QTGAL: variants seen among roughly 807,000 people sequenced by gnomAD.
The protein encoded by QTGAL is queuosine-tRNA galactosyltransferase.
the QTGAL span, among the ~76,000 whole-genome samples, chr17:82,958,858 AT>A: frequency 1.9e-5 from 1 of 52,044 alleles, no homozygotes; most frequent in Non-Finnish European, 3.5e-5. Flanking sequence ...CTGGGGGTGT[AT>A]GGTGTGTGTG....
chr17:83,031,740 G>A, the QTGAL span, among the ~76,000 whole-genome samples: 1 of 152,234 alleles, frequency 6.6e-6, no homozygotes, highest in Non-Finnish European at 1.5e-5. Context: ...GGATGGAGAT[G>A]CTTCATGAGC....
the QTGAL span, among the ~76,000 whole-genome samples, chr17:82,982,676 G>A: frequency 6.6e-6 from 1 of 152,328 alleles, no homozygotes; most frequent in South Asian, 2.1e-4. Flanking sequence ...AAGCCACCCA[G>A]TTTATGGTAT....
the QTGAL span, among the ~76,000 whole-genome samples, chr17:83,036,926 T>A: frequency 6.6e-6 from 1 of 152,024 alleles, no homozygotes; most frequent in Admixed American, 6.5e-5. Flanking sequence ...CGTGGCAAGC[T>A]CAGCTTCGAT....
At chr17:83,048,804 G>A in the QTGAL span, 1 of 1,594,848 alleles carries the variant, frequency 6.3e-7, no homozygotes, top group Non-Finnish European at 8.6e-7. Flanking sequence ...CAAAAGAAAT[G>A]GATTAACAGA....
the QTGAL span, chr17:82,956,694 C>A: frequency 4.4e-6 from 7 of 1,575,478 alleles, no homozygotes; most frequent in Non-Finnish European, 5.2e-6. This position sits in a 1 kb window ranked among gnomAD's most constrained non-coding sequence, Gnocchi z 5.7. Flanking sequence ...CCCACACTCA[C>A]CAGCTTCACG....
the QTGAL span, among the ~76,000 whole-genome samples, chr17:83,019,379 C>G: frequency 6.6e-6 from 1 of 152,002 alleles, no homozygotes; most frequent in African/African-American, 2.4e-5. Flanking sequence ...TTATCACGCA[C>G]AAAATATTTT....
the QTGAL span, among the ~76,000 whole-genome samples, chr17:83,028,992 G>A: frequency 7.9e-5 from 12 of 152,154 alleles, no homozygotes; most frequent in African/African-American, 2.7e-4. Context: ...CACGGCGTGC[G>A]GTTTCACGTA....
the QTGAL span, chr17:83,007,305 A>G: frequency 1.4e-5 from 14 of 983,588 alleles, no homozygotes; most frequent in South Asian, 6.1e-4. Flanking sequence ...CCCACACCCA[A>G]TCTGACCGAG....
At chr17:82,942,302 C>A in the QTGAL span, 1 of 1,152,232 alleles carries the variant, frequency 8.7e-7, no homozygotes, top group Non-Finnish European at 1.2e-6. Context: ...ATAGCTCAGG[C>A]TGCCGGGTGT....
At chr17:83,051,711 G>T in the QTGAL span, 2 of 1,474,286 alleles carry the variant, frequency 1.4e-6, no homozygotes, top group African/African-American at 1.5e-5. Context: ...CCTGCACGGC[G>T]GGGCACCCTC....
the QTGAL span, among the ~76,000 whole-genome samples, chr17:83,050,670 G>GC: frequency 6.6e-6 from 1 of 152,238 alleles, no homozygotes; most frequent in Admixed American, 6.5e-5. Flanking sequence ...CGGCCTATTG[G>GC]CTGGGTCTGA....
chr17:82,965,203 G>A, the QTGAL span, among the ~76,000 whole-genome samples: 6 of 150,700 alleles, frequency 4.0e-5, no homozygotes, highest in African/African-American at 1.5e-4. Flanking sequence ...ACTCCCACGG[G>A]GGGGACGGGG....
At chr17:83,009,762 G>A in the QTGAL span, among the ~76,000 whole-genome samples, 1 of 152,118 alleles carries the variant, frequency 6.6e-6, no homozygotes, top group Non-Finnish European at 1.5e-5. Context: ...GGAGGCAAAT[G>A]AACGCAGAGA....
At chr17:82,999,421 C>A in the QTGAL span, among the ~76,000 whole-genome samples, 9 of 152,210 alleles carry the variant, frequency 5.9e-5, no homozygotes, top group African/African-American at 1.7e-4. Flanking sequence ...ACACAGCTGA[C>A]CCCTGAACAA....
chr17:82,993,978 A>T, the QTGAL span, among the ~76,000 whole-genome samples: 1 of 152,174 alleles, frequency 6.6e-6, no homozygotes, highest in Non-Finnish European at 1.5e-5. Flanking sequence ...GAAACACAAC[A>T]TACCAAAACC....
At chr17:82,965,810 T>G in the QTGAL span, 1 of 1,456,964 alleles carries the variant, frequency 6.9e-7, no homozygotes, top group Non-Finnish European at 9.5e-7. Context: ...CAACCTGCAG[T>G]TTATTTCCAC....
chr17:82,968,724 G>T, the QTGAL span, among the ~76,000 whole-genome samples: 1 of 152,232 alleles, frequency 6.6e-6, no homozygotes, highest in African/African-American at 2.4e-5. Flanking sequence ...TGTTGGCCGG[G>T]CGCGGTGGCT....
At chr17:83,051,736 C>T in the QTGAL span, 21 of 1,495,602 alleles carry the variant, frequency 1.4e-5, no homozygotes, top group Non-Finnish European at 1.9e-5. Flanking sequence ...CTGGCACCTA[C>T]CACGTGGGCC....
chr17:83,028,299 C>G, the QTGAL span, among the ~76,000 whole-genome samples: 1 of 151,174 alleles, frequency 6.6e-6, no homozygotes, highest in African/African-American at 2.4e-5. Context: ...CCGAGGCGGG[C>G]GGATCACGAG....
Sources: allele counts gnomAD v4.1 joint callset (sites outside exome capture counted in the v4.1 genomes callset), GRCh38; gene constraint gnomAD v4.1.1; non-coding constraint Gnocchi (gnomAD v3.1); transcripts MANE v1.5; gene names NCBI Gene and HGNC (gene_info 2026-07-23, HGNC 2026-07-21).